Variants in UBE2G1 observed in about 807,000 individuals in gnomAD.
UBE2G1 encodes the protein ubiquitin conjugating enzyme E2 G1.
Under a neutral mutation model 22.7 loss-of-function variants are expected in UBE2G1, and 5 were observed. The observed-to-expected ratio is 0.22, with a 90% CI of 0.12 to 0.46. The LOEUF (loss-of-function observed/expected upper bound fraction) is 0.46. Ranked by LOEUF, UBE2G1 falls within the 20% of genes least tolerant of loss-of-function variation. UBE2G1 has a pLI of 0.99. For synonymous variants in UBE2G1, 74 were observed against 67.5 expected (o/e 1.10, Z -0.47); for missense variants, 88 against 203.9 (o/e 0.43, Z 3.46).
At chr17:4,357,978 G>GA (rs1395111271) in intron 1 of UBE2G1, among the ~76,000 whole-genome samples, 1 of 151,668 alleles carries the variant, frequency 6.6e-6, no homozygotes. Context: ...GACACAAAGA[G>GA]AGAGAGACCC....
At chr17:4,363,822 G>A (rs2143840462) in intron 1 of UBE2G1, among the ~76,000 whole-genome samples, 1 of 151,352 alleles carries the variant, frequency 6.6e-6, no homozygotes, top group East Asian at 2.0e-4. Flanking sequence ...CGTGGTGGCG[G>A]GCGCCTGTAG....
chr17:4,301,427 G>C (rs955982946), intron 2 of UBE2G1: 2 of 670,182 alleles, frequency 3.0e-6, no homozygotes, highest in African/African-American at 3.6e-5. Context: ...TTTTGATGCT[G>C]TTATTGATGT....
At chr17:4,329,258 G>A (rs1225744150) in intron 1 of UBE2G1, among the ~76,000 whole-genome samples, 2 of 152,036 alleles carry the variant, frequency 1.3e-5, no homozygotes, top group Admixed American at 6.6e-5. Flanking sequence ...AATGAGTCAG[G>A]CGTGGTGGAG....
chr17:4,324,002 A>G (rs1969473865), intron 1 of UBE2G1, among the ~76,000 whole-genome samples: 1 of 152,234 alleles, frequency 6.6e-6, no homozygotes, highest in Non-Finnish European at 1.5e-5. Flanking sequence ...TCACTGGAGA[A>G]CAGAATATGA....
rs114377479 is a variant in UBE2G1 at position 4,286,529 on chromosome 17, T to A, written c.426+2701A>T. On this transcript the variant is annotated intron_variant, in intron 4 of 5. Transcript: ENST00000396981. ...GGATTCAAGAAAAAAAAGGAATAGA[T>A]TTTGCACAATTTGTGGTATTTGGAC... is the stretch of plus-strand genomic sequence containing the variant. 1.7e-3 allele frequency among the ~76,000 whole-genome samples: 256 copies of A among 152,178 alleles called. 1 individual carries two copies. Among genetic ancestry groups the A allele is most frequent in the African/African-American group, 6.0e-3 (251 of 41,516 alleles).
chr17:4,314,019 T>C (rs1969340416), intron 1 of UBE2G1, among the ~76,000 whole-genome samples: 1 of 152,236 alleles, frequency 6.6e-6, no homozygotes, highest in South Asian at 2.1e-4. Flanking sequence ...AGAAAGAGCA[T>C]ATGAAAAGTA....
chr17:4,290,423 C>A (rs889844361), intron 3 of UBE2G1, among the ~76,000 whole-genome samples: 6 of 152,140 alleles, frequency 3.9e-5, no homozygotes, highest in African/African-American at 1.4e-4. Flanking sequence ...CAATCAATAT[C>A]ATTGCTCTCT....
At chr17:4,280,884 C>T (rs1197128768) in intron 5 of UBE2G1, among the ~76,000 whole-genome samples, 1 of 152,112 alleles carries the variant, frequency 6.6e-6, no homozygotes, top group African/African-American at 2.4e-5. Context: ...CCACCCGCCT[C>T]GGCCTCCCAA....
chr17:4,276,216 A>C (rs1968819732), intron 5 of UBE2G1, among the ~76,000 whole-genome samples: 1 of 151,952 alleles, frequency 6.6e-6, no homozygotes, highest in Non-Finnish European at 1.5e-5. Flanking sequence ...TTGGAGACAG[A>C]GTTACCCTCT....
At chr17:4,304,904 A>G (rs756956570) in intron 2 of UBE2G1, among the ~76,000 whole-genome samples, 1 of 152,054 alleles carries the variant, frequency 6.6e-6, no homozygotes. Context: ...CATTCCACTG[A>G]AATAATTACA....
intron 3 of UBE2G1, among the ~76,000 whole-genome samples, chr17:4,290,760 C>A (rs1040323734): frequency 1.4e-5 from 2 of 143,342 alleles, no homozygotes; most frequent in Non-Finnish European, 3.0e-5. Context: ...GGACCATAGG[C>A]ACATGGCACC....
chr17:4,344,378 AAAC>A (rs1258535118), intron 1 of UBE2G1, among the ~76,000 whole-genome samples: 1 of 152,034 alleles, frequency 6.6e-6, no homozygotes, highest in Admixed American at 6.5e-5. Context: ...GTCTCTACTA[AAAC>A]TACAAAAAAT....
chr17:4,276,593 G>T (rs1429965597), intron 5 of UBE2G1, among the ~76,000 whole-genome samples: 1 of 152,216 alleles, frequency 6.6e-6, no homozygotes, highest in Non-Finnish European at 1.5e-5. Context: ...CAAGAGGACA[G>T]TGCCTTTGCA....
chr17:4,317,399 G>A (rs1555521532), intron 1 of UBE2G1, among the ~76,000 whole-genome samples: 1 of 152,040 alleles, frequency 6.6e-6, no homozygotes, highest in Non-Finnish European at 1.5e-5. Flanking sequence ...TGCCTATATA[G>A]TCCCAGTTAC....
At chr17:4,310,635 TGA>T (rs1263222175) in intron 1 of UBE2G1, among the ~76,000 whole-genome samples, 1 of 152,184 alleles carries the variant, frequency 6.6e-6, no homozygotes, top group African/African-American at 2.4e-5. Flanking sequence ...CAGAGGGCAA[TGA>T]TAAGCCTTTG....
At chr17:4,365,835 C>CA (rs1409868873) in intron 1 of UBE2G1, among the ~76,000 whole-genome samples, 2 of 152,188 alleles carry the variant, frequency 1.3e-5, no homozygotes, top group African/African-American at 2.4e-5. Context: ...CGCCCGCCCT[C>CA]AGACACCGAG....
chr17:4,351,941 G>C (rs1969849967), intron 1 of UBE2G1, among the ~76,000 whole-genome samples: 3 of 152,130 alleles, frequency 2.0e-5, no homozygotes, highest in Admixed American at 2.0e-4. Context: ...AAAGACTTCA[G>C]AGTTTAACAG....
At chr17:4,318,602 T>C (rs562034296) in intron 1 of UBE2G1, among the ~76,000 whole-genome samples, 1 of 152,342 alleles carries the variant, frequency 6.6e-6, no homozygotes, top group African/African-American at 2.4e-5. Context: ...CTAAATTTAT[T>C]TTAGTTGAAT....
Position 4,283,888 on chromosome 17 carries a change from C to T in UBE2G1, c.427-967G>A, listed in dbSNP as rs571488744. On this transcript the variant is annotated intron_variant, in intron 4 of 5. Transcript: ENST00000396981. ...GGCTGAGGCCATGCACAGTGGCTCA[C>T]GCCTATAATCTCAGCACTTTGGGAG... 6.6e-5 allele frequency among the ~76,000 whole-genome samples: 10 copies of T among 152,216 alleles called. No homozygotes were observed. The East Asian group carries it at 1.2e-3, about 18-fold the overall frequency.
Sources: allele counts gnomAD v4.1 joint callset (sites outside exome capture counted in the v4.1 genomes callset), GRCh38; gene constraint gnomAD v4.1.1; transcripts MANE v1.5; gene names NCBI Gene and HGNC (gene_info 2026-07-23, HGNC 2026-07-21).